BANP: variants seen among roughly 807,000 people sequenced by gnomAD.
BANP encodes BTG3 associated nuclear protein, also known as protein BANP.
Under a neutral mutation model 68.1 loss-of-function variants are expected in BANP, and 11 were observed. The ratio of observed to expected loss-of-function variants is 0.16; its 90% CI spans 0.10 to 0.27. The LOEUF is 0.27. Among genes scored for constraint, BANP ranks in the 10% least tolerant of loss-of-function variants. The pLI is 1.00. For synonymous variants in BANP, 329 were observed against 303.2 expected, an observed-to-expected ratio of 1.09 and a Z score of -0.88; for missense variants, 504 against 722.7, an observed-to-expected ratio of 0.70 and a Z score of 3.47.
At position 88,006,278 on chromosome 16, in the gene BANP, C is replaced by A. The variant is rs372130199; in HGVS notation, c.655+13C>A. 6.4e-7 allele frequency: 1 copy of A among 1,574,532 alleles called. No individual in the cohort carries two copies. The highest frequency in any genetic ancestry group is 8.6e-7 in the Non-Finnish European group (1 of 1,159,626). Reference sequence around the variant, plus strand: ...CTGAACTCGGAAGGTGCGTCCAGGGCGGCTTTCCTCGGCCAGAGCGCCAGT... The same window carrying A: ...CTGAACTCGGAAGGTGCGTCCAGGGAGGCTTTCCTCGGCCAGAGCGCCAGT... On this transcript the variant is annotated intron_variant, in intron 6 of 13. Coordinates refer to ENST00000682872, the MANE Select transcript of BANP (RefSeq NM_001386991.1).
At chr16:87,979,646 G>C (rs2062878152) in intron 2 of BANP, among the ~76,000 whole-genome samples, 1 of 152,152 alleles carries the variant, frequency 6.6e-6, no homozygotes, top group African/African-American at 2.4e-5. Flanking sequence ...CAGATGGTGT[G>C]CCAAGGTGTG....
chr16:87,976,982 C>T (rs2053566510), intron 2 of BANP, among the ~76,000 whole-genome samples: 1 of 152,238 alleles, frequency 6.6e-6, no homozygotes, highest in South Asian at 2.1e-4. Context: ...AAAGTTCTGA[C>T]AGCCTACTTC....
intron 4 of BANP, among the ~76,000 whole-genome samples, chr16:87,985,713 G>A (rs971920522): frequency 3.3e-5 from 5 of 152,216 alleles, no homozygotes; most frequent in Non-Finnish European, 7.3e-5. Context: ...CGTCCCACCT[G>A]GTATGTTGCG....
chr16:88,065,460 C>G, intron 12 of BANP, 128 bp downstream of exon 12: 1 of 594,602 alleles, frequency 1.7e-6, no homozygotes, highest in Non-Finnish European at 3.0e-6. Context: ...TGAGGGTGAT[C>G]AGTTGAGCCA....
chr16:88,022,170 A>G (rs990999020), intron 7 of BANP, among the ~76,000 whole-genome samples: 2 of 152,250 alleles, frequency 1.3e-5, no homozygotes, highest in African/African-American at 4.8e-5. Flanking sequence ...CTCTCAGGAC[A>G]GCAGCATTCG....
intron 1 of BANP, among the ~76,000 whole-genome samples, chr16:87,974,317 G>C (rs1259834645): frequency 6.6e-5 from 10 of 152,206 alleles, no homozygotes; most frequent in Admixed American, 4.6e-4. Context: ...GAGTGTCACA[G>C]GAGCTGGAGG....
At chr16:88,060,251 T>C (rs1468105368) in intron 11 of BANP, among the ~76,000 whole-genome samples, 1 of 152,348 alleles carries the variant, frequency 6.6e-6, no homozygotes, top group East Asian at 1.9e-4. Flanking sequence ...TGCGTTGCCC[T>C]CCGGGCAGAG....
At chr16:88,067,334 CGCCCCAT>C (rs1250140955) in intron 12 of BANP, among the ~76,000 whole-genome samples, 2 of 152,144 alleles carry the variant, frequency 1.3e-5, no homozygotes, top group Non-Finnish European at 2.9e-5. Context: ...CCAGGTGTCT[CGCCCCAT>C]GCCCCATGCT....
chr16:87,977,367 T>A (rs11117340), intron 2 of BANP, among the ~76,000 whole-genome samples: 1 of 150,818 alleles, frequency 6.6e-6, no homozygotes, highest in African/African-American at 2.4e-5. Context: ...TGCAGTGAGC[T>A]GAGATCGCGC....
intron 6 of BANP, among the ~76,000 whole-genome samples, chr16:88,015,216 T>C (rs2074247810): frequency 7.1e-6 from 1 of 141,540 alleles, no homozygotes; most frequent in South Asian, 2.3e-4. Context: ...ATCCCTCTGC[T>C]TGTGCCCTCT....
At chr16:88,054,436 A>G (rs1191117965) in intron 11 of BANP, among the ~76,000 whole-genome samples, 1 of 151,890 alleles carries the variant, frequency 6.6e-6, no homozygotes, top group Non-Finnish European at 1.5e-5. Flanking sequence ...TACCACCACC[A>G]CCTCCACCAC....
Position 87,989,934 on chromosome 16 carries a change from A to G in BANP, c.362+5675A>G, listed in dbSNP as rs1424410864. Among the ~76,000 whole-genome samples, 7 of 128,776 alleles carry G rather than the reference A, an allele frequency of 5.4e-5. 1 individual carries two copies. Among genetic ancestry groups the G allele is most frequent in the African/African-American group, 9.2e-5 (3 of 32,460 alleles). 84.5% of individuals were successfully genotyped at this position (128,776 alleles called of 152,430 possible). On this transcript the variant is annotated intron_variant, in intron 4 of 13. Coordinates refer to ENST00000682872, the MANE Select transcript of BANP (RefSeq NM_001386991.1). ...TGGCTGCGCACATCCAGGACACAGG[A>G]CACAGGGCGGGCGACAGGGGATGCA...
intron 11 of BANP, among the ~76,000 whole-genome samples, chr16:88,041,513 A>C: frequency 6.6e-6 from 1 of 152,184 alleles, no homozygotes; most frequent in Non-Finnish European, 1.5e-5. Flanking sequence ...GAATCGCCTG[A>C]TTTGAAGCTA....
At chr16:88,069,720 A>G (rs1019503650) in intron 12 of BANP, among the ~76,000 whole-genome samples, 9 of 152,200 alleles carry the variant, frequency 5.9e-5, no homozygotes, top group African/African-American at 2.2e-4. Context: ...ATGTCAATGC[A>G]CGCACTTCAC....
intron 7 of BANP, among the ~76,000 whole-genome samples, chr16:88,019,255 C>T (rs1427552912): frequency 6.6e-6 from 1 of 152,172 alleles, no homozygotes; most frequent in Non-Finnish European, 1.5e-5. Context: ...CCTTCAATGG[C>T]GTTTGATGGG....
At chr16:88,063,378 GC>G (rs1406807484) in intron 11 of BANP, among the ~76,000 whole-genome samples, 1 of 152,206 alleles carries the variant, frequency 6.6e-6, no homozygotes, top group Non-Finnish European at 1.5e-5. Context: ...CTTCCACGTG[GC>G]CCGGCTCAGC....
chr16:88,064,544 G>T lies in BANP; in HGVS notation c.1312-723G>T, dbSNP rs1346860598. Among the ~76,000 whole-genome samples the T allele has an allele frequency of 6.6e-6, 1 of 152,274 alleles. No individual in the cohort carries two copies. Among genetic ancestry groups the T allele is most frequent in the Admixed American group, 6.5e-5 (1 of 15,294 alleles). ...GGCTAGGCGTCCAGGCCAGCATCGG[G>T]TTGGCTGAGGGTTTGCCGAGGAGAG... is the stretch of plus-strand genomic sequence containing the variant. On this transcript the variant is annotated intron_variant, in intron 11 of 13. Transcript: ENST00000682872. The surrounding 1 kb of genome is among the most constrained non-coding windows in gnomAD (Gnocchi z 4.5).
rs554673009 is a variant in BANP, at chr16:88,067,570, G to C, written c.1377+2238G>C. Among the ~76,000 whole-genome samples, 3 of 152,260 alleles carry C rather than the reference G, an allele frequency of 2.0e-5. No individual in the cohort carries two copies. In the East Asian group the frequency reaches 5.8e-4, roughly 29 times the overall value. On this transcript the variant is annotated intron_variant, in intron 12 of 13. Transcript: ENST00000682872. ...TACTTTATGGGTATTTTATGCCAGAGTTTCAGAGTCCTTTTTTTTCCTTGG... is the reference window on the plus strand; with the variant it reads ...TACTTTATGGGTATTTTATGCCAGACTTTCAGAGTCCTTTTTTTTCCTTGG...
chr16:88,022,380 C>T (rs2076192785), intron 7 of BANP, among the ~76,000 whole-genome samples: 1 of 152,212 alleles, frequency 6.6e-6, no homozygotes, highest in Admixed American at 6.5e-5. Flanking sequence ...GATGGCCGAT[C>T]CCCATGAGAC....
Sources: allele counts gnomAD v4.1 joint callset (sites outside exome capture counted in the v4.1 genomes callset), GRCh38; gene constraint gnomAD v4.1.1; non-coding constraint Gnocchi (gnomAD v3.1); transcripts MANE v1.5; gene names NCBI Gene and HGNC (gene_info 2026-07-23, HGNC 2026-07-21).